The following POU6F2 variants were observed in gnomAD, a reference collection of about 807,000 sequenced individuals.
The protein encoded by POU6F2 is POU domain, class 6, transcription factor 2.
Under a neutral mutation model 71.3 loss-of-function variants are expected in POU6F2, and 31 were observed. The ratio of observed to expected loss-of-function variants is 0.43; its 90% CI spans 0.33 to 0.59. The LOEUF (loss-of-function observed/expected upper bound fraction) is 0.59, where lower values mean the gene tolerates loss of function less well. Ranked by LOEUF, POU6F2 falls within the 20% of genes least tolerant of loss-of-function variation. The pLI, the probability that POU6F2 is intolerant of heterozygous loss-of-function variation, is 0.04. For synonymous variants in POU6F2, 347 were observed against 355.7 expected (o/e 0.98, Z 0.27); for missense variants, 783 against 856.8 (o/e 0.91, Z 1.07).
At chr7:39,168,738 C>T (rs997738188) in intron 2 of POU6F2, among the ~76,000 whole-genome samples, 3 of 152,162 alleles carry the variant, frequency 2.0e-5, no homozygotes, top group African/African-American at 7.2e-5. Context: ...GAGTTGTTAA[C>T]ACAATAGAAA....
intron 1 of POU6F2, among the ~76,000 whole-genome samples, chr7:39,016,497 A>C (rs1789551545): frequency 6.6e-6 from 1 of 152,114 alleles, no homozygotes; most frequent in Non-Finnish European, 1.5e-5. Context: ...GGTAAAATAA[A>C]AGCTGTAAAA....
At chr7:39,011,195 A>C (rs1789273059) in intron 1 of POU6F2, among the ~76,000 whole-genome samples, 1 of 140,534 alleles carries the variant, frequency 7.1e-6, no homozygotes, top group African/African-American at 2.6e-5. Context: ...TTGCTTTATG[A>C]ATCTGGGTGC....
At chr7:39,453,660 G>A (rs2116128208) in intron 8 of POU6F2, among the ~76,000 whole-genome samples, 1 of 152,360 alleles carries the variant, frequency 6.6e-6, no homozygotes, top group African/African-American at 2.4e-5. Flanking sequence ...GCTGGGCAGT[G>A]AAGGATTAGC....
chr7:39,324,786 T>G (rs1353294376), intron 4 of POU6F2, among the ~76,000 whole-genome samples: 1 of 152,230 alleles, frequency 6.6e-6, no homozygotes, highest in Non-Finnish European at 1.5e-5. Context: ...AGTATTGTAT[T>G]GCTTTTTATG....
At chr7:39,266,816 C>T (rs184894395) in intron 4 of POU6F2, among the ~76,000 whole-genome samples, 1 of 146,604 alleles carries the variant, frequency 6.8e-6, no homozygotes, top group East Asian at 2.1e-4. Context: ...GCGTACTCAT[C>T]ACCTCATGCA....
intron 1 of POU6F2, among the ~76,000 whole-genome samples, chr7:38,995,393 AG>A (rs1788707860): frequency 6.6e-6 from 1 of 152,218 alleles, no homozygotes; most frequent in South Asian, 2.1e-4. Context: ...TGGTTAAGAG[AG>A]GACTGAAAAT....
intron 7 of POU6F2, among the ~76,000 whole-genome samples, chr7:39,434,116 A>G (rs1371244885): frequency 6.6e-6 from 1 of 152,164 alleles, no homozygotes; most frequent in African/African-American, 2.4e-5. Flanking sequence ...TAGTCATCCC[A>G]GAGATAATGG....
chr7:39,187,694 T>G (rs1305415871), intron 2 of POU6F2, among the ~76,000 whole-genome samples: 1 of 152,184 alleles, frequency 6.6e-6, no homozygotes, highest in African/African-American at 2.4e-5. Context: ...ATTAGAAAGA[T>G]GAACATGAAT....
chr7:39,390,947 C>T (rs1031723292), intron 5 of POU6F2, among the ~76,000 whole-genome samples: 1 of 152,072 alleles, frequency 6.6e-6, no homozygotes, highest in Non-Finnish European at 1.5e-5. Flanking sequence ...CAGTGTTCCC[C>T]AAACCTGTTT....
At chr7:39,024,269 T>G (rs1789747090) in intron 1 of POU6F2, among the ~76,000 whole-genome samples, 1 of 151,960 alleles carries the variant, frequency 6.6e-6, no homozygotes, top group South Asian at 2.1e-4. Flanking sequence ...TTGAAGCAAT[T>G]GTGAATGGGA....
At chr7:39,224,145 T>C (rs6966337) in intron 4 of POU6F2, among the ~76,000 whole-genome samples, 95,636 of 151,950 alleles carry the variant, frequency 0.63, 31,158 homozygotes, top group East Asian at 0.97. Flanking sequence ...AGAAAAGAAT[T>C]GGTGTACAAA....
In POU6F2 at chr7:39,019,233, A is replaced by G. The variant is rs117484909; in HGVS notation, c.105+41175A>G. 9.3e-3 allele frequency among the ~76,000 whole-genome samples: 1,420 copies of G among 152,292 alleles called. 11 individuals are homozygous for G. Among genetic ancestry groups the G allele is most frequent in the Admixed American group, 0.016 (240 of 15,278 alleles). On this transcript the variant is annotated intron_variant, in intron 1 of 9. Coordinates refer to ENST00000518318, the MANE Select transcript of POU6F2 (RefSeq NM_001370959.1). Reference sequence around the variant, plus strand: ...TAGCTAGAATTTTAAGTTCAAAATAATTCTCACTCAGAACTTTTGAAGGCA... The same window carrying G: ...TAGCTAGAATTTTAAGTTCAAAATAGTTCTCACTCAGAACTTTTGAAGGCA...
In POU6F2 at chr7:39,181,723, A is replaced by G. The variant is rs539514347; in HGVS notation, c.278-22512A>G. 4.6e-5 allele frequency among the ~76,000 whole-genome samples: 7 copies of G among 152,256 alleles called. No homozygotes were observed. The East Asian group carries it at 1.2e-3, about 25-fold the overall frequency. ...CAACCACCCCTCTCCAACTCAAGCCATCCCCACCTCTCTCACAGCAGATGA... is the reference window on the plus strand; with the variant it reads ...CAACCACCCCTCTCCAACTCAAGCCGTCCCCACCTCTCTCACAGCAGATGA... On this transcript the variant is annotated intron_variant, in intron 2 of 9. Transcript: ENST00000518318.
intron 4 of POU6F2, among the ~76,000 whole-genome samples, chr7:39,220,943 T>C (rs1429922891): frequency 1.3e-5 from 2 of 152,032 alleles, no homozygotes; most frequent in African/African-American, 4.8e-5. Context: ...AAGTGTAAAA[T>C]TCACACAAAT....
At chr7:39,313,603 C>G (rs971772346) in intron 4 of POU6F2, among the ~76,000 whole-genome samples, 1 of 152,036 alleles carries the variant, frequency 6.6e-6, no homozygotes, top group Admixed American at 6.5e-5. Flanking sequence ...ATTCCTTCCC[C>G]GTCCATCCCC....
intron 4 of POU6F2, among the ~76,000 whole-genome samples, chr7:39,265,275 A>G (rs1464222157): frequency 6.6e-6 from 1 of 152,114 alleles, no homozygotes; most frequent in African/African-American, 2.4e-5. Flanking sequence ...GCCATACCCC[A>G]AGCACAGGAC....
At chr7:39,197,164 G>T (rs1793804759) in intron 2 of POU6F2, among the ~76,000 whole-genome samples, 1 of 152,212 alleles carries the variant, frequency 6.6e-6, no homozygotes, top group South Asian at 2.1e-4. Context: ...ACGGGCTCTG[G>T]CTGCCCACTC....
chr7:39,293,535 G>T (rs957438098), intron 4 of POU6F2, among the ~76,000 whole-genome samples: 3 of 151,754 alleles, frequency 2.0e-5, no homozygotes, highest in Non-Finnish European at 4.4e-5. Flanking sequence ...CTTTCCTTTC[G>T]GATCTACCTA....
chr7:39,287,029 T>C (rs993043341), intron 4 of POU6F2, among the ~76,000 whole-genome samples: 1 of 152,002 alleles, frequency 6.6e-6, no homozygotes, highest in African/African-American at 2.4e-5. Flanking sequence ...GCGAGTCTGC[T>C]TCCCCAGGGA....
Sources: gnomAD v4.1 joint callset for allele counts (sites outside exome capture counted in the v4.1 genomes callset) on GRCh38, gnomAD v4.1.1 for gene constraint, MANE v1.5 for transcripts, NCBI Gene and HGNC (gene_info 2026-07-23, HGNC 2026-07-21) for gene names.